DIAPH3: variants seen among roughly 807,000 people sequenced by gnomAD.
The protein encoded by DIAPH3 is protein diaphanous homolog 3.
A neutral mutation model predicts 144.3 loss-of-function variants in DIAPH3; 117 were observed. The ratio of observed to expected loss-of-function variants is 0.81; its 90% CI spans 0.70 to 0.95. The LOEUF (loss-of-function observed/expected upper bound fraction) is 0.95, where lower values mean the gene tolerates loss of function less well. Among genes scored for constraint, DIAPH3 ranks in the 40% least tolerant of loss-of-function variants. The pLI is 0.00. For synonymous variants in DIAPH3, 519 were observed against 488.9 expected (o/e 1.06, Z -0.81); for missense variants, 1,421 against 1,412.7 (o/e 1.01, Z -0.09).
At chr13:60,024,842 A>C (rs2054271793) in intron 5 of DIAPH3, among the ~76,000 whole-genome samples, 1 of 152,186 alleles carries the variant, frequency 6.6e-6, no homozygotes, top group Admixed American at 6.5e-5. Context: ...TTACCACTTG[A>C]CATGGATGGG....
chr13:59,700,420 T>A (rs2034040861), intron 27 of DIAPH3, among the ~76,000 whole-genome samples: 1 of 152,226 alleles, frequency 6.6e-6, no homozygotes, highest in Admixed American at 6.5e-5. Context: ...ATATTTTTTC[T>A]GACAAGTATC....
chr13:59,828,099 C>A (rs552977758), intron 24 of DIAPH3, among the ~76,000 whole-genome samples: 1 of 152,064 alleles, frequency 6.6e-6, no homozygotes, highest in South Asian at 2.1e-4. Flanking sequence ...ATGCCCGATA[C>A]GCCACCGATT....
intron 21 of DIAPH3, among the ~76,000 whole-genome samples, chr13:59,871,642 CTCTCCT>C (rs1208205161): frequency 6.6e-6 from 1 of 152,162 alleles, no homozygotes; most frequent in East Asian, 1.9e-4. Flanking sequence ...AAATTATTCC[CTCTCCT>C]TCTATTTACT....
At chr13:59,860,460 C>T (rs556026518) in intron 22 of DIAPH3, among the ~76,000 whole-genome samples, 4 of 152,148 alleles carry the variant, frequency 2.6e-5, no homozygotes, top group Middle Eastern at 3.4e-3. Context: ...AAATTGAGGC[C>T]GGGCGCGGTG....
intron 27 of DIAPH3, among the ~76,000 whole-genome samples, chr13:59,679,493 TA>T (rs1368867266): frequency 1.3e-5 from 2 of 152,142 alleles, no homozygotes; most frequent in African/African-American, 4.8e-5. Context: ...CTCCTGTCTC[TA>T]TGGTAACACA....
chr13:59,799,665 G>A (rs2039802770), intron 25 of DIAPH3, among the ~76,000 whole-genome samples: 1 of 152,120 alleles, frequency 6.6e-6, no homozygotes, highest in Admixed American at 6.5e-5. Flanking sequence ...GTACAGTTGA[G>A]GAGTTTTTGT....
intron 1 of DIAPH3, among the ~76,000 whole-genome samples, chr13:60,147,044 A>G (rs747545321): frequency 1.3e-5 from 2 of 152,226 alleles, no homozygotes; most frequent in African/African-American, 2.4e-5. Context: ...TGTCCATGTT[A>G]TCTATAAGAG....
intron 17 of DIAPH3, among the ~76,000 whole-genome samples, chr13:59,934,006 T>C (rs1012629264): frequency 2.0e-5 from 3 of 152,178 alleles, no homozygotes; most frequent in South Asian, 2.1e-4. Context: ...ATTAAAAATA[T>C]AGCTTTTTAG....
At chr13:60,087,723 A>T (rs1368390608) in intron 4 of DIAPH3, among the ~76,000 whole-genome samples, 4 of 152,092 alleles carry the variant, frequency 2.6e-5, no homozygotes, top group Non-Finnish European at 5.9e-5. Flanking sequence ...GGGAAAAAGA[A>T]GGAGCTAGCA....
intron 12 of DIAPH3, 53 bp from the exon 13 acceptor site, chr13:59,983,940 A>G (rs2051201037): frequency 8.3e-7 from 1 of 1,211,392 alleles, no homozygotes; most frequent in Non-Finnish European, 1.2e-6. Context: ...GTAACTTTAC[A>G]TCAAAACAAA....
intron 27 of DIAPH3, among the ~76,000 whole-genome samples, chr13:59,757,155 T>C (rs183124335): frequency 3.9e-5 from 6 of 152,090 alleles, no homozygotes; most frequent in African/African-American, 1.4e-4. Flanking sequence ...CTGAGACACA[T>C]CCAGTGTTAT....
At chr13:59,992,904 C>G (rs1266042531) in intron 9 of DIAPH3, among the ~76,000 whole-genome samples, 1 of 148,310 alleles carries the variant, frequency 6.7e-6, no homozygotes, top group Admixed American at 6.7e-5. Context: ...AATAATATCA[C>G]TCTACACACA....
At chr13:60,132,925 C>G (rs1264092934) in intron 2 of DIAPH3, 32 bp downstream of exon 2, 4 of 1,582,218 alleles carry the variant, frequency 2.5e-6, no homozygotes, top group Non-Finnish European at 3.5e-6. Context: ...AGTTACAATT[C>G]ATAACAAAGG....
intron 3 of DIAPH3, among the ~76,000 whole-genome samples, chr13:60,107,549 T>G (rs2138033119): frequency 6.6e-6 from 1 of 152,288 alleles, no homozygotes; most frequent in Non-Finnish European, 1.5e-5. Context: ...TGGTATTATC[T>G]AAACCAGGTT....
chr13:60,149,442 C>T (rs1483455893), intron 1 of DIAPH3, among the ~76,000 whole-genome samples: 1 of 152,084 alleles, frequency 6.6e-6, no homozygotes, highest in South Asian at 2.1e-4. Context: ...GACATACACA[C>T]AGAATATCAT....
intron 20 of DIAPH3, among the ~76,000 whole-genome samples, chr13:59,908,307 G>A (rs2046832210): frequency 7.2e-6 from 1 of 139,236 alleles, no homozygotes; most frequent in African/African-American, 2.7e-5. Context: ...CCAGGAGGCG[G>A]TTGCAGTGAG....
rs937412317 is a variant in DIAPH3 at position 59,980,964 on chromosome 13, A to T, written c.1481-105T>A. The T allele has an allele frequency of 1.5e-5, 13 of 867,754 alleles. No homozygotes were observed. In the African/African-American group the frequency reaches 1.5e-4, roughly 10 times the overall value. The allele number at this position is 867,754 out of a possible 1,614,324, so 53.8% of individuals were successfully genotyped here. A position where few individuals can be genotyped will look rare whatever the true frequency, so the allele number is the denominator to read the frequency against. On this transcript the variant is annotated intron_variant, in intron 13 of 27. Transcript: ENST00000400324. ...GATCATAGAAAATAATTAAATACTG[A>T]TACTACCAGTAATAAACAAAATGGA...
chr13:59,912,270 T>A (rs775748143), intron 19 of DIAPH3, among the ~76,000 whole-genome samples: 52 of 152,106 alleles, frequency 3.4e-4, no homozygotes, highest in Non-Finnish European at 6.3e-4. Flanking sequence ...CAAAAAGGCA[T>A]GGGAAGGGAC....
chr13:59,753,263 G>A (rs1338435794), intron 27 of DIAPH3, among the ~76,000 whole-genome samples: 3 of 152,140 alleles, frequency 2.0e-5, no homozygotes, highest in Non-Finnish European at 2.9e-5. Context: ...CAAGAAATTC[G>A]ATATCTGAGG....
Sources: gnomAD v4.1 joint callset for allele counts (sites outside exome capture counted in the v4.1 genomes callset) on GRCh38, gnomAD v4.1.1 for gene constraint, MANE v1.5 for transcripts, NCBI Gene and HGNC (gene_info 2026-07-23, HGNC 2026-07-21) for gene names.